Variants in CPNE3 observed in about 807,000 individuals in gnomAD.
CPNE3 encodes copine-3.
In CPNE3, 68 loss-of-function variants were observed where a neutral mutation model predicts 63.9. That is an observed-to-expected ratio of 1.06 (90% CI 0.87 to 1.30). CPNE3 has a LOEUF of 1.30. CPNE3 is among the 50% of genes most tolerant of loss of function. CPNE3 has a pLI of 0.00. For synonymous variants in CPNE3, 219 were observed against 197.5 expected (o/e 1.11, Z -0.91); for missense variants, 665 against 578.1 (o/e 1.15, Z -1.54).
At chr8:86,537,694 A>T in intron 7 of CPNE3, 48 bp downstream of exon 7, 1 of 1,065,616 alleles carries the variant, frequency 9.4e-7, no homozygotes. Context: ...CTTTGAAATT[A>T]TTGTAATCTG....
rs146071543 is a variant in CPNE3, at chr8:86,553,366, C to G, written c.1121-1485C>G. ...AGAGAAGAGAGTTGGTTTCCTGAAG[C>G]TTTCAAGCCAAGTATGGTCATGCAC... On this transcript the variant is annotated intron_variant, in intron 14 of 16. Coordinates refer to ENST00000517490, the MANE Select transcript of CPNE3 (RefSeq NM_003909.5). Among the ~76,000 whole-genome samples the G allele has an allele frequency of 3.7e-4, 57 of 152,172 alleles. No individual in the cohort carries two copies. The East Asian group carries it at 4.7e-3, about 12-fold the overall frequency.
chr8:86,520,225 G>A (rs1399295510), intron 2 of CPNE3, among the ~76,000 whole-genome samples: 1 of 152,164 alleles, frequency 6.6e-6, no homozygotes, highest in Non-Finnish European at 1.5e-5. Context: ...ATTACTTAAA[G>A]AAAGGGATTG....
intron 6 of CPNE3, 68 bp from the exon 7 acceptor site, chr8:86,537,495 T>C (rs1047447195): frequency 4.4e-5 from 41 of 939,514 alleles, no homozygotes; most frequent in African/African-American, 6.5e-5. Flanking sequence ...ATGTGTAAAG[T>C]ATGGTCACAC....
At chr8:86,543,940 T>C (rs1820996588) in intron 8 of CPNE3, among the ~76,000 whole-genome samples, 1 of 152,126 alleles carries the variant, frequency 6.6e-6, no homozygotes, top group Non-Finnish European at 1.5e-5. Flanking sequence ...AATATTCTAG[T>C]ATTCTGGTGA....
chr8:86,529,808 G>A (rs775277302), intron 4 of CPNE3, among the ~76,000 whole-genome samples: 1 of 152,042 alleles, frequency 6.6e-6, no homozygotes, highest in Non-Finnish European at 1.5e-5. Context: ...TAGGAGGGAG[G>A]AGTAATTTTT....
chr8:86,532,081 G>A lies in CPNE3; in HGVS notation c.388-428G>A, dbSNP rs537225021. 1.8e-3 allele frequency among the ~76,000 whole-genome samples: 277 copies of A among 152,296 alleles called. 2 individuals carry two copies. Among genetic ancestry groups the A allele is most frequent in the Non-Finnish European group, 2.8e-3 (190 of 68,014 alleles). Reference sequence around the variant, plus strand: ...ATGATAGACTGATACTTATTTTTAAGAAGAATGAGTTTTTCAGTTACACTG... The same window carrying A: ...ATGATAGACTGATACTTATTTTTAAAAAGAATGAGTTTTTCAGTTACACTG... On this transcript the variant is annotated intron_variant, in intron 5 of 16. Transcript: ENST00000517490.
At chr8:86,535,961 A>C (rs1256131122) in intron 6 of CPNE3, among the ~76,000 whole-genome samples, 1 of 151,722 alleles carries the variant, frequency 6.6e-6, no homozygotes, top group Non-Finnish European at 1.5e-5. Context: ...ACCTACTTTC[A>C]TTTTGCTTTT....
In CPNE3 at chr8:86,514,559, C is replaced by T. The variant is rs536081947; in HGVS notation, c.-49+18C>T. The T allele has an allele frequency of 6.6e-6, 1 of 152,444 alleles. No individual in the cohort carries two copies. The highest frequency in any genetic ancestry group is 2.1e-4 in the South Asian group (1 of 4,828). The allele number at this position is 152,444 out of a possible 1,614,324, so 9.4% of individuals were successfully genotyped here. A position where few individuals can be genotyped will look rare whatever the true frequency, so the allele number is the denominator to read the frequency against. ...ACTCCCACGTGAGTGCGGGCGTCTC[C>T]CAGTTCCTGGGCCGGTGAGGCAGCA... On this transcript the variant is annotated intron_variant, in intron 1 of 16. Transcript: ENST00000517490.
intron 6 of CPNE3, among the ~76,000 whole-genome samples, chr8:86,535,307 G>A (rs1013932158): frequency 1.1e-4 from 16 of 149,684 alleles, no homozygotes. Flanking sequence ...TCAGTGGACA[G>A]ATACAGAAAA....
At chr8:86,522,403 T>G (rs1282265882) in intron 2 of CPNE3, among the ~76,000 whole-genome samples, 1 of 152,190 alleles carries the variant, frequency 6.6e-6, no homozygotes, top group Non-Finnish European at 1.5e-5. Context: ...CAAGCGCTTC[T>G]GTTGCTGTAT....
chr8:86,526,587 A>G (rs1194373467), intron 2 of CPNE3, among the ~76,000 whole-genome samples: 1 of 151,772 alleles, frequency 6.6e-6, no homozygotes, highest in Non-Finnish European at 1.5e-5. Context: ...ATCTTGGCTC[A>G]CTGCAAACTC....
At chr8:86,550,231 C>G (rs1821144025) in intron 12 of CPNE3, among the ~76,000 whole-genome samples, 1 of 152,100 alleles carries the variant, frequency 6.6e-6, no homozygotes, top group African/African-American at 2.4e-5. Flanking sequence ...TGAAGACAGA[C>G]TACAAACTGG....
At position 86,556,241 on chromosome 8, in the gene CPNE3, A is replaced by G. The variant is rs776474423; in HGVS notation, c.1394A>G (p.Glu465Gly). 8.0e-6 allele frequency: 7 copies of G among 872,948 alleles called. No individual in the cohort carries two copies. The highest frequency in any genetic ancestry group is 4.8e-5 in the East Asian group (2 of 41,706). 54.1% of individuals were successfully genotyped at this position (872,948 alleles called of 1,614,324 possible). The change falls in exon 16 of 17, where the codon GAG becomes GGG. Residue 465 changes from glutamate to glycine, a missense_variant. Coordinates refer to ENST00000517490, the MANE Select transcript of CPNE3 (RefSeq NM_003909.5). ...GGAGGTGCTGACTTCAGCGCCATGGAGTTTCTGGATGGTGATGGTGGAAGT... is the reference window on the plus strand; with the variant it reads ...GGAGGTGCTGACTTCAGCGCCATGGGGTTTCTGGATGGTGATGGTGGAAGT... ...GVGGADFSAMEFLDGDGGSLR... is the reference protein window; with the variant it reads ...GVGGADFSAMGFLDGDGGSLR...
In CPNE3 at chr8:86,552,645, CAG is replaced by C. The variant is rs916593142; in HGVS notation, c.1120+1414_1120+1415del. On this transcript the variant is annotated intron_variant, in intron 14 of 16. Coordinates refer to ENST00000517490, the MANE Select transcript of CPNE3 (RefSeq NM_003909.5). Reference sequence around the variant, plus strand: ...AGGAGATACTATACAGCAAAAAGCTCAGAGCCTTATTTTAAGGCAAGGAAGTT... The same window carrying C: ...AGGAGATACTATACAGCAAAAAGCTCAGCCTTATTTTAAGGCAAGGAAGTT... 2.0e-5 allele frequency among the ~76,000 whole-genome samples: 3 copies of C among 151,214 alleles called. No individual in the cohort carries two copies. The Admixed American group carries it at 2.0e-4, about 10-fold the overall frequency.
chr8:86,546,630 A>C lies in CPNE3; in HGVS notation c.768A>C (p.Gln256His), dbSNP rs2131481795. The C allele has an allele frequency of 6.2e-7, 1 of 1,613,840 alleles. No homozygotes were observed. Among genetic ancestry groups the C allele is most frequent in the Middle Eastern group, 1.6e-4 (1 of 6,062 alleles). The stretch of plus-strand genomic sequence containing the variant: ...AATGCATAAATGAGAAAAAAAGGCA[A>C]AAGAAAAAAAGCTACAAGAATTCAG... ...EFECINEKKR[Q>H]KKKSYKNSGV... Residue 256 changes from glutamine (Q) to histidine (H), a missense_variant, in exon 10 of 17, where the codon CAA becomes CAC. By Grantham distance (24) the Gln-to-His change is conservative (BLOSUM62 0). Coordinates refer to ENST00000517490, the MANE Select transcript of CPNE3 (RefSeq NM_003909.5).
At chr8:86,544,963 C>T (rs534212916) in intron 9 of CPNE3, 125 bp downstream of exon 9, 35 of 447,580 alleles carry the variant, frequency 7.8e-5, no homozygotes, top group South Asian at 5.3e-4. Context: ...CATAATGCTC[C>T]GAAATGTTTA....
intron 16 of CPNE3, among the ~76,000 whole-genome samples, chr8:86,556,642 G>C (rs569494964): frequency 2.6e-5 from 4 of 152,148 alleles, no homozygotes; most frequent in African/African-American, 9.7e-5. Context: ...CCTCAAGCTG[G>C]AAGTTTAGTT....
chr8:86,558,248 C>T (rs1821364055), intron 16 of CPNE3, 40 bp from the exon 17 acceptor site: 1 of 871,658 alleles, frequency 1.1e-6, no homozygotes, highest in Non-Finnish European at 2.0e-6. Context: ...CAGGAAAATT[C>T]AGTTGCTAAT....
intron 8 of CPNE3, among the ~76,000 whole-genome samples, chr8:86,544,152 C>A (rs1821001083): frequency 1.3e-5 from 2 of 152,062 alleles, no homozygotes; most frequent in Admixed American, 1.3e-4. Flanking sequence ...GTACTCTTAG[C>A]CTGGAATTGT....
Sources: gnomAD v4.1 joint callset for allele counts (sites outside exome capture counted in the v4.1 genomes callset) on GRCh38, gnomAD v4.1.1 for gene constraint, MANE v1.5 for transcripts, NCBI Gene and HGNC (gene_info 2026-07-23, HGNC 2026-07-21) for gene names.